FMN1: variants seen among roughly 807,000 people sequenced by gnomAD.
FMN1 encodes formin-1.
In FMN1, 110 loss-of-function variants were observed where a neutral mutation model predicts 132.4. That is an observed-to-expected ratio of 0.83 (90% CI 0.71 to 0.97). FMN1 has a LOEUF of 0.97. FMN1 is among the 50% of genes least tolerant of loss of function. FMN1 has a pLI of 0.00. For missense variants in FMN1, 1,792 were observed against 1,705.3 expected (o/e 1.05, Z -0.90); for synonymous variants, 722 against 651.7 (o/e 1.11, Z -1.64).
At chr15:33,188,917 A>C (rs1965981308) in intron 2 of FMN1, among the ~76,000 whole-genome samples, 1 of 152,162 alleles carries the variant, frequency 6.6e-6, no homozygotes, top group African/African-American at 2.4e-5. Flanking sequence ...GTATAACTAG[A>C]AAAATATCTT....
chr15:32,974,480 T>A (rs560564357), intron 7 of FMN1, among the ~76,000 whole-genome samples: 41 of 152,324 alleles, frequency 2.7e-4, no homozygotes, highest in African/African-American at 9.9e-4. Flanking sequence ...AATTAAACCA[T>A]CCTGTTTTGA....
rs1487214806 is a variant in FMN1 at position 32,968,839 on chromosome 15, T to A, written c.2862A>T (p.Pro954=). Residue 954 remains proline, a synonymous_variant, in exon 8 of 21, where the codon CCA becomes CCT. Transcript: ENST00000616417. ...PAPPPPGLAP[P]PPPGLFFGLG... is the part of the protein sequence containing the mutation. Reference sequence around the variant, plus strand: ...GTCCAAAGAAGAGTCCAGGGGGAGGTGGGGGTGCAAGTCCTGGGGGTGGTG... The same window carrying A: ...GTCCAAAGAAGAGTCCAGGGGGAGGAGGGGGTGCAAGTCCTGGGGGTGGTG... The A allele has an allele frequency of 1.3e-5, 13 of 1,019,040 alleles. No individual in the cohort carries two copies. In the Admixed American group the frequency reaches 1.3e-4, roughly 10 times the overall value. 63.1% of individuals were successfully genotyped at this position (1,019,040 alleles called of 1,614,324 possible).
At chr15:33,106,613 G>A (rs1019611678) in intron 4 of FMN1, among the ~76,000 whole-genome samples, 1 of 152,004 alleles carries the variant, frequency 6.6e-6, no homozygotes, top group Admixed American at 6.6e-5. Context: ...TCACTCTTCA[G>A]TTGCCTTGCT....
chr15:33,006,993 T>C lies in FMN1; in HGVS notation c.2223+1021A>G, dbSNP rs531216279. On this transcript the variant is annotated intron_variant, in intron 7 of 20. Transcript: ENST00000616417. ...CAAGATGATCTTCTGTACAACATGGTGACTATAGTTCATAACCATGTTATT... is the reference window on the plus strand; with the variant it reads ...CAAGATGATCTTCTGTACAACATGGCGACTATAGTTCATAACCATGTTATT... Among the ~76,000 whole-genome samples, 37 of 152,260 alleles carry C rather than the reference T, an allele frequency of 2.4e-4. No individual in the cohort carries two copies. In the South Asian group the frequency reaches 5.6e-3, roughly 23 times the overall value.
chr15:33,121,269 T>C (rs944017828), intron 4 of FMN1, among the ~76,000 whole-genome samples: 4 of 152,224 alleles, frequency 2.6e-5, no homozygotes, highest in African/African-American at 9.6e-5. Flanking sequence ...ATCATATGCC[T>C]GATTCTGAGT....
At position 32,964,242 on chromosome 15, in the gene FMN1, T is replaced by G. The variant is rs2030957495; in HGVS notation, c.3003A>C (p.Pro1001=). 1 of 1,589,224 alleles carries G rather than the reference T, an allele frequency of 6.3e-7. No homozygotes were observed. Among genetic ancestry groups the G allele is most frequent in the Non-Finnish European group, 8.6e-7 (1 of 1,167,742 alleles). ...QISDRSQNAT[P]TLWDSLEEPD... Reference sequence around the variant, plus strand: ...GTTCTTCTAAGGAGTCCCATAAGGTTGGTGTAGCATTTTGGCTTAAAAGAG... The same window carrying G: ...GTTCTTCTAAGGAGTCCCATAAGGTGGGTGTAGCATTTTGGCTTAAAAGAG... The change falls in exon 9 of 21, where the codon CCA becomes CCC. Residue 1001 remains proline, a synonymous_variant. Coordinates refer to ENST00000616417, the MANE Select transcript of FMN1 (RefSeq NM_001277313.2).
At chr15:32,863,694 T>C (rs1308565948) in intron 16 of FMN1, among the ~76,000 whole-genome samples, 1 of 152,240 alleles carries the variant, frequency 6.6e-6, no homozygotes, top group Non-Finnish European at 1.5e-5. Context: ...CATGTTCATC[T>C]TTTCTACTTT....
chr15:33,064,289 A>G (rs1011508119), intron 6 of FMN1: 1 of 152,208 alleles, frequency 6.6e-6, no homozygotes, highest in Admixed American at 6.5e-5. Flanking sequence ...ATATACACAC[A>G]CATGCAATTC....
chr15:32,855,378 C>A (rs566647673), intron 17 of FMN1, among the ~76,000 whole-genome samples: 2 of 152,148 alleles, frequency 1.3e-5, no homozygotes, highest in South Asian at 2.1e-4. Flanking sequence ...GTCATAAGAT[C>A]CAGTTTCCCT....
In FMN1 at chr15:32,969,407, G is replaced by T. The variant is rs947556095; in HGVS notation, c.2294C>A (p.Thr765Asn). 3 of 1,613,886 alleles carry T rather than the reference G, an allele frequency of 1.9e-6. No individual in the cohort carries two copies. Among genetic ancestry groups the T allele is most frequent in the Non-Finnish European group, 2.5e-6 (3 of 1,179,874 alleles). ...TAGCTCGTGTTTCAGATTTTCAATG[G>T]TTTCTTCTAGTCTCGCTGTTATCAT... ...HAMITARLEE[T>N]IENLKHELEH... The change falls in exon 8 of 21, where the codon ACC (threonine) becomes AAC (asparagine). Residue 765 changes from threonine to asparagine, a missense_variant. Thr to Asn is a moderately conservative substitution (Grantham distance 65). This residue lies in a region of FMN1 where 1,150 missense variants were observed against 1,043.1 expected (regional missense o/e 1.10). Coordinates refer to ENST00000616417, the MANE Select transcript of FMN1 (RefSeq NM_001277313.2).
chr15:32,952,525 TAG>T (rs1282764928), intron 9 of FMN1, among the ~76,000 whole-genome samples: 8 of 152,318 alleles, frequency 5.3e-5, no homozygotes, highest in Middle Eastern at 3.4e-3. Context: ...CCAAAATCTT[TAG>T]AGTCAATATG....
intron 2 of FMN1, among the ~76,000 whole-genome samples, chr15:33,190,450 G>A (rs780697601): frequency 6.6e-6 from 1 of 152,152 alleles, no homozygotes; most frequent in Admixed American, 6.5e-5. Flanking sequence ...CTCCTAATAA[G>A]TAGACAGTTC....
intron 4 of FMN1, among the ~76,000 whole-genome samples, chr15:33,120,143 T>C (rs1183879020): frequency 1.3e-5 from 2 of 152,240 alleles, no homozygotes; most frequent in African/African-American, 4.8e-5. Flanking sequence ...CATACCCAAG[T>C]GACCAATGGA....
chr15:33,108,473 G>A (rs1014396924), intron 4 of FMN1, among the ~76,000 whole-genome samples: 3 of 151,940 alleles, frequency 2.0e-5, no homozygotes, highest in Non-Finnish European at 2.9e-5. Flanking sequence ...AGAAAAAACA[G>A]CTTAAGTTAT....
chr15:33,112,870 T>C (rs1292322386), intron 4 of FMN1, among the ~76,000 whole-genome samples: 1 of 152,168 alleles, frequency 6.6e-6, no homozygotes, highest in East Asian at 1.9e-4. Context: ...ACACAGCTAC[T>C]GGGTTTATAT....
chr15:33,119,026 G>A (rs1034062933), intron 4 of FMN1, among the ~76,000 whole-genome samples: 1 of 152,092 alleles, frequency 6.6e-6, no homozygotes, highest in African/African-American at 2.4e-5. Context: ...CAGCACCCCT[G>A]CAGGTATCAA....
At chr15:32,885,735 T>C (rs2059881721) in intron 16 of FMN1, among the ~76,000 whole-genome samples, 1 of 152,194 alleles carries the variant, frequency 6.6e-6, no homozygotes, top group South Asian at 2.1e-4. Flanking sequence ...CAACTTCTAC[T>C]TAAATCAGTG....
At chr15:32,792,372 A>G (rs565496874) in intron 19 of FMN1, among the ~76,000 whole-genome samples, 58 of 151,846 alleles carry the variant, frequency 3.8e-4, no homozygotes, top group African/African-American at 1.3e-3. Flanking sequence ...ATGAACCCGG[A>G]AGGTGGAGCT....
At chr15:33,173,562 G>A (rs1000521230) in intron 3 of FMN1, among the ~76,000 whole-genome samples, 1 of 152,200 alleles carries the variant, frequency 6.6e-6, no homozygotes, top group African/African-American at 2.4e-5. Context: ...GGGCACCAGA[G>A]GCCAGAACAA....
Sources: gnomAD v4.1 joint callset for allele counts (sites outside exome capture counted in the v4.1 genomes callset) on GRCh38, gnomAD v4.1.1 for gene constraint, gnomAD v4.1.1 regional missense constraint, MANE v1.5 for transcripts, NCBI Gene and HGNC (gene_info 2026-07-23, HGNC 2026-07-21) for gene names.